Variants in AAK1 observed in about 807,000 individuals in gnomAD.
The protein encoded by AAK1 is AP2 associated kinase 1.
In AAK1, 37 loss-of-function variants were observed where a neutral mutation model predicts 116.0. That is an observed-to-expected ratio of 0.32 (90% CI 0.25 to 0.42). The LOEUF (loss-of-function observed/expected upper bound fraction) is 0.42, where lower values mean the gene tolerates loss of function less well. Among genes scored for constraint, AAK1 ranks in the 10% least tolerant of loss-of-function variants. The pLI is 1.00. For missense variants in AAK1, 919 were observed against 1,170.6 expected, an observed-to-expected ratio of 0.79 and a Z score of 3.14; for synonymous variants, 458 against 439.9, an observed-to-expected ratio of 1.04 and a Z score of -0.51.
intron 13 of AAK1, among the ~76,000 whole-genome samples, chr2:69,513,179 G>A (rs1039204666): frequency 4.6e-5 from 7 of 152,152 alleles, no homozygotes; most frequent in Non-Finnish European, 7.3e-5. Flanking sequence ...TTTTAGAAAC[G>A]AAGGTGTAAA....
intron 3 of AAK1, among the ~76,000 whole-genome samples, chr2:69,549,947 T>A (rs917394011): frequency 1.3e-5 from 2 of 152,244 alleles, no homozygotes; most frequent in African/African-American, 4.8e-5. Context: ...GTATCTTCTA[T>A]TTCTTTAAAC....
chr2:69,641,706 G>A (rs1675732619), intron 2 of AAK1, among the ~76,000 whole-genome samples: 1 of 152,124 alleles, frequency 6.6e-6, no homozygotes, highest in African/African-American at 2.4e-5. Context: ...ACCATGGTAA[G>A]CATTTCCCAG....
chr2:69,475,548 G>A lies in AAK1; in HGVS notation c.*321C>T. On this transcript the variant is annotated 3_prime_UTR_variant, in exon 22 of 22. Transcript: ENST00000409085. Reference sequence around the variant, plus strand: ...TGTCAATTCACTAGTTTCAGTTACAGTTAAGCTTTTGGTGGAGTTGATTCC... The same window carrying A: ...TGTCAATTCACTAGTTTCAGTTACAATTAAGCTTTTGGTGGAGTTGATTCC... 9.2e-7 allele frequency: 1 copy of A among 1,085,854 alleles called. No individual in the cohort carries two copies. Among genetic ancestry groups the A allele is most frequent in the Non-Finnish European group, 1.1e-6 (1 of 893,240 alleles). 67.3% of individuals were successfully genotyped at this position (1,085,854 alleles called of 1,614,324 possible). A position where few individuals can be genotyped will look rare whatever the true frequency, so the allele number is the denominator to read the frequency against.
At chr2:69,602,450 A>C (rs1194235336) in intron 2 of AAK1, among the ~76,000 whole-genome samples, 1 of 152,172 alleles carries the variant, frequency 6.6e-6, no homozygotes, top group Non-Finnish European at 1.5e-5. Context: ...GGGATATTAT[A>C]TATTATGTGG....
At chr2:69,492,433 C>T (rs766470959) in intron 17 of AAK1, among the ~76,000 whole-genome samples, 3 of 151,308 alleles carry the variant, frequency 2.0e-5, no homozygotes, top group South Asian at 2.1e-4. Context: ...AGATTGGCCT[C>T]GAACGCCTGA....
intron 2 of AAK1, among the ~76,000 whole-genome samples, chr2:69,624,610 C>A (rs960139590): frequency 8.5e-5 from 13 of 152,174 alleles, no homozygotes; most frequent in Non-Finnish European, 1.5e-4. Flanking sequence ...ATTTGCATGT[C>A]CAAAATAATT....
chr2:69,500,698 T>TACACAC lies in AAK1; in HGVS notation c.2270-4624_2270-4619dup, dbSNP rs563907265. Among the ~76,000 whole-genome samples, 376 of 65,070 alleles carry TACACAC rather than the reference T, an allele frequency of 5.8e-3. 11 individuals are homozygous for TACACAC. Among genetic ancestry groups the TACACAC allele is most frequent in the African/African-American group, 0.02 (255 of 12,646 alleles). The allele number at this position is 65,070 out of a possible 152,430, so 42.7% of individuals were successfully genotyped here. A position where few individuals can be genotyped will look rare whatever the true frequency, so the allele number is the denominator to read the frequency against. ...ATATATATATATATATATATATATATACACACACACACACACACACACACA... is the reference window on the plus strand; with the variant it reads ...ATATATATATATATATATATATATATACACACACACACACACACACACACACACACA... On this transcript the variant is annotated intron_variant, in intron 16 of 21. Transcript: ENST00000409085.
chr2:69,537,645 T>C (rs1041443553), intron 5 of AAK1, among the ~76,000 whole-genome samples: 2 of 152,192 alleles, frequency 1.3e-5, no homozygotes. Flanking sequence ...TGGTGGCTGG[T>C]TCTCACAGTG....
chr2:69,560,319 C>T (rs1274246746), intron 2 of AAK1, among the ~76,000 whole-genome samples: 1 of 152,210 alleles, frequency 6.6e-6, no homozygotes, highest in Non-Finnish European at 1.5e-5. Context: ...TCAGCCAGAG[C>T]TTAAGAGGGT....
At chr2:69,627,927 T>C (rs532058205) in intron 2 of AAK1, among the ~76,000 whole-genome samples, 1 of 152,360 alleles carries the variant, frequency 6.6e-6, no homozygotes, top group East Asian at 1.9e-4. Context: ...TTCTTCTTTT[T>C]ATTGACACCA....
chr2:69,528,696 T>C (rs144536825), intron 8 of AAK1, among the ~76,000 whole-genome samples: 12 of 152,264 alleles, frequency 7.9e-5, no homozygotes, highest in African/African-American at 2.9e-4. Flanking sequence ...AACTTAATTT[T>C]AGATCTGTGC....
intron 2 of AAK1, among the ~76,000 whole-genome samples, chr2:69,641,673 C>T (rs909525469): frequency 2.6e-5 from 4 of 152,142 alleles, no homozygotes; most frequent in Non-Finnish European, 5.9e-5. Context: ...TCTTCCAAAC[C>T]CACCCACCAG....
rs58662760 is a variant in AAK1 at position 69,490,923 on chromosome 2, C to CCACACA, written c.2365+5056_2365+5061dup. Among the ~76,000 whole-genome samples the CCACACA allele has an allele frequency of 3.8e-3, 558 of 147,722 alleles. 2 individuals carry two copies. Among genetic ancestry groups the CCACACA allele is most frequent in the African/African-American group, 0.013 (511 of 40,050 alleles). ...CTAAAATATATCTATGTGTGTGTAC[C>CCACACA]CACACACACACACACACACACACTT... is the stretch of plus-strand genomic sequence containing the variant. On this transcript the variant is annotated intron_variant, in intron 17 of 21. Coordinates refer to ENST00000409085, the MANE Select transcript of AAK1 (RefSeq NM_014911.5).
intron 2 of AAK1, among the ~76,000 whole-genome samples, chr2:69,611,079 A>T (rs1348207114): frequency 6.6e-6 from 1 of 152,124 alleles, no homozygotes; most frequent in Admixed American, 6.5e-5. Flanking sequence ...GGATGCCTAG[A>T]TGGCTGGTGA....
At chr2:69,623,779 C>T (rs956038265) in intron 2 of AAK1, among the ~76,000 whole-genome samples, 2 of 151,352 alleles carry the variant, frequency 1.3e-5, no homozygotes, top group South Asian at 2.1e-4. Flanking sequence ...TGGCTGCCAA[C>T]AAAAATCATA....
chr2:69,544,129 A>T (rs1670832041), intron 4 of AAK1: 1 of 241,186 alleles, frequency 4.1e-6, no homozygotes, highest in Admixed American at 5.0e-5. Context: ...AGCCTTTATT[A>T]TGTGCCTTCA....
chr2:69,459,037 A>G lies in AAK1; in HGVS notation c.*16832T>C, dbSNP rs1674278712. Reference sequence around the variant, plus strand: ...CTGGGGGACAGCTGAGAATAAATTTATGGAATTACAAATTATGGGAATACT... The same window carrying G: ...CTGGGGGACAGCTGAGAATAAATTTGTGGAATTACAAATTATGGGAATACT... On this transcript the variant is annotated 3_prime_UTR_variant, in exon 22 of 22. Transcript: ENST00000409085. 1 of 152,168 alleles carries G rather than the reference A, an allele frequency of 6.6e-6. No individual in the cohort carries two copies. The highest frequency in any genetic ancestry group is 6.5e-5 in the Admixed American group (1 of 15,278). 9.4% of individuals were successfully genotyped at this position (152,168 alleles called of 1,614,324 possible).
intron 2 of AAK1, among the ~76,000 whole-genome samples, chr2:69,600,645 C>T (rs1673535785): frequency 6.6e-6 from 1 of 152,172 alleles, no homozygotes; most frequent in Non-Finnish European, 1.5e-5. Context: ...GGTGAAGATG[C>T]TGTGAACATT....
At chr2:69,591,111 T>G (rs1673008191) in intron 2 of AAK1, among the ~76,000 whole-genome samples, 1 of 152,236 alleles carries the variant, frequency 6.6e-6, no homozygotes, top group South Asian at 2.1e-4. Context: ...AGTTAGAATA[T>G]CTACAGTTAA....
Sources: allele counts gnomAD v4.1 joint callset (sites outside exome capture counted in the v4.1 genomes callset), GRCh38; gene constraint gnomAD v4.1.1; transcripts MANE v1.5; gene names NCBI Gene and HGNC (gene_info 2026-07-23, HGNC 2026-07-21).